The following TRDN variants were observed in gnomAD, a reference collection of about 807,000 sequenced individuals.
TRDN encodes triadin, also known as triadin in skeletal muscle.
Under a neutral mutation model 149.7 loss-of-function variants are expected in TRDN, and 161 were observed. The ratio of observed to expected loss-of-function variants is 1.08; its 90% CI spans 0.95 to 1.23. The LOEUF is 1.23. Among genes scored for constraint, TRDN ranks in the 50% most tolerant of loss-of-function variants. TRDN has a pLI of 0.00. For missense variants in TRDN, 896 were observed against 823.5 expected, an observed-to-expected ratio of 1.09 and a Z score of -1.08; for synonymous variants, 294 against 250.5, an observed-to-expected ratio of 1.17 and a Z score of -1.64.
chr6:123,438,959 C>T lies in TRDN; in HGVS notation c.976G>A (p.Glu326Lys). The T allele has an allele frequency of 6.4e-7, 1 of 1,559,636 alleles. No individual in the cohort carries two copies. Among genetic ancestry groups the T allele is most frequent in the African/African-American group, 1.4e-5 (1 of 73,584 alleles). Reference sequence around the variant, plus strand: ...AATTTCCTACCTTTCTTTTTTGTTTCAGAAGTAACTTTCTTCTCAGCCTTC... The same window carrying T: ...AATTTCCTACCTTTCTTTTTTGTTTTAGAAGTAACTTTCTTCTCAGCCTTC... ...KKKAEKKVTSETKKKEKEDIK... is the reference protein window; with the variant it reads ...KKKAEKKVTSKTKKKEKEDIK... Residue 326 changes from glutamate (E) to lysine (K), a missense_variant, in exon 11 of 41, where the codon GAA (glutamate) becomes AAA (lysine). Physicochemically the swap from Glu to Lys is moderately conservative, Grantham distance 56. Coordinates refer to ENST00000334268, the MANE Select transcript of TRDN (RefSeq NM_006073.4).
At chr6:123,527,914 A>G (rs1780030954) in intron 5 of TRDN, among the ~76,000 whole-genome samples, 1 of 151,864 alleles carries the variant, frequency 6.6e-6, no homozygotes, top group Non-Finnish European at 1.5e-5. Flanking sequence ...ATCCAAGGTT[A>G]ACTTAGTTTA....
chr6:123,313,978 A>G (rs542369925), intron 24 of TRDN, among the ~76,000 whole-genome samples: 1 of 152,218 alleles, frequency 6.6e-6, no homozygotes, highest in East Asian at 1.9e-4. Flanking sequence ...CAATTGCAAC[A>G]AAAGCAAAAA....
At chr6:123,339,079 C>G (rs945520570) in intron 21 of TRDN, among the ~76,000 whole-genome samples, 9 of 151,788 alleles carry the variant, frequency 5.9e-5, no homozygotes, top group African/African-American at 2.2e-4. Context: ...GTGGCGCGAT[C>G]TTGGCTCACT....
intron 12 of TRDN, among the ~76,000 whole-genome samples, chr6:123,436,754 G>A (rs910482621): frequency 6.6e-6 from 1 of 151,920 alleles, no homozygotes; most frequent in Admixed American, 6.6e-5. Context: ...CTCATGTTCT[G>A]GGGTACAATT....
intron 5 of TRDN, among the ~76,000 whole-genome samples, chr6:123,523,461 G>T (rs1779788118): frequency 6.6e-6 from 1 of 152,094 alleles, no homozygotes; most frequent in Non-Finnish European, 1.5e-5. Context: ...GGGTAGCAGT[G>T]ATCATATGCC....
intron 33 of TRDN, among the ~76,000 whole-genome samples, chr6:123,264,755 T>G (rs186748224): frequency 6.6e-6 from 1 of 152,168 alleles, no homozygotes; most frequent in East Asian, 1.9e-4. Flanking sequence ...AACCACCACC[T>G]TCATCAGTTA....
chr6:123,522,304 T>G (rs1779720636), intron 5 of TRDN, among the ~76,000 whole-genome samples: 1 of 152,166 alleles, frequency 6.6e-6, no homozygotes, highest in Non-Finnish European at 1.5e-5. Flanking sequence ...TCCTGTCTTT[T>G]CTGATTTGTT....
In TRDN at chr6:123,570,929, A is replaced by G. The variant is rs1782541809; in HGVS notation, c.226T>C (p.Phe76Leu). Residue 76 changes from phenylalanine (F) to leucine (L), a missense_variant, in exon 2 of 41, where the codon TTT (phenylalanine) becomes CTT (leucine). Physicochemically the swap from Phe to Leu is conservative, Grantham distance 22. Transcript: ENST00000334268. ...VMFDLVDYKN[F>L]SASSIAKIGS... ...CAAATTTTATGGAACTTACCTGAAA[A>G]GTTTTTGTAATCCACTAAATCAAAC... 1 of 1,613,112 alleles carries G rather than the reference A, an allele frequency of 6.2e-7. No individual in the cohort carries two copies. The highest frequency in any genetic ancestry group is 1.1e-5 in the South Asian group (1 of 90,974).
chr6:123,422,804 T>C (rs1773964586), intron 12 of TRDN, among the ~76,000 whole-genome samples: 1 of 152,172 alleles, frequency 6.6e-6, no homozygotes, highest in African/African-American at 2.4e-5. Flanking sequence ...GGTTAAATTC[T>C]AGATTGCAAA....
chr6:123,381,264 A>T (rs981154072), intron 16 of TRDN, 106 bp downstream of exon 16: 1 of 1,099,896 alleles, frequency 9.1e-7, no homozygotes, highest in African/African-American at 1.6e-5. Flanking sequence ...TCACATGCAT[A>T]AAACATAGGA....
chr6:123,353,249 A>T (rs535633748), intron 20 of TRDN, among the ~76,000 whole-genome samples: 1 of 151,990 alleles, frequency 6.6e-6, no homozygotes, highest in East Asian at 1.9e-4. Flanking sequence ...GCAACCATTA[A>T]ATGAAAGATT....
chr6:123,393,705 A>G (rs752252336), intron 12 of TRDN, 28 bp from the exon 13 acceptor site: 1 of 1,581,764 alleles, frequency 6.3e-7, no homozygotes, highest in Non-Finnish European at 8.6e-7. Context: ...ATAAATTACC[A>G]TGAAGTATGA....
chr6:123,550,347 A>T (rs758943646), intron 2 of TRDN, among the ~76,000 whole-genome samples: 4 of 152,036 alleles, frequency 2.6e-5, no homozygotes, highest in Non-Finnish European at 4.4e-5. Context: ...AATGCACCAG[A>T]TATCAGGTTA....
intron 24 of TRDN, among the ~76,000 whole-genome samples, chr6:123,296,789 G>A (rs540588483): frequency 1.3e-5 from 2 of 152,068 alleles, no homozygotes; most frequent in East Asian, 1.9e-4. Flanking sequence ...AATGATGTGT[G>A]TTAATATTAT....
intron 19 of TRDN, among the ~76,000 whole-genome samples, chr6:123,374,919 T>C (rs1482351586): frequency 6.6e-6 from 1 of 152,194 alleles, no homozygotes; most frequent in Non-Finnish European, 1.5e-5. Context: ...ATGTCACGCA[T>C]AGAACTGAGG....
chr6:123,416,698 C>CTTTTTTTTTTTT (rs139842688), intron 12 of TRDN, among the ~76,000 whole-genome samples: 4 of 146,272 alleles, frequency 2.7e-5, no homozygotes, highest in Non-Finnish European at 3.0e-5. Flanking sequence ...TTCTTTTCCT[C>CTTTTTTTTTTTT]TTTTTTTCTT....
intron 25 of TRDN, among the ~76,000 whole-genome samples, 160 bp downstream of exon 25, chr6:123,278,896 T>C (rs979648763): frequency 3.3e-5 from 5 of 152,166 alleles, no homozygotes; most frequent in Non-Finnish European, 7.3e-5. Flanking sequence ...CAGAAATACA[T>C]GTAAGAAAAT....
chr6:123,614,639 C>G (rs777529011), intron 1 of TRDN, among the ~76,000 whole-genome samples: 71 of 151,164 alleles, frequency 4.7e-4, no homozygotes, highest in Non-Finnish European at 8.6e-4. Flanking sequence ...AAAATTTATG[C>G]AAAAATTAAC....
At chr6:123,317,455 T>G (rs1779068366) in intron 23 of TRDN, among the ~76,000 whole-genome samples, 1 of 151,938 alleles carries the variant, frequency 6.6e-6, no homozygotes, top group Admixed American at 6.6e-5. Context: ...AAAACTAATT[T>G]GTTTAACTGC....
Sources: allele counts gnomAD v4.1 joint callset (sites outside exome capture counted in the v4.1 genomes callset), GRCh38; gene constraint gnomAD v4.1.1; transcripts MANE v1.5; gene names NCBI Gene and HGNC (gene_info 2026-07-23, HGNC 2026-07-21).